Variants in CC2D2A observed in about 807,000 individuals in gnomAD.
CC2D2A encodes coiled-coil and C2 domain-containing protein 2A.
CC2D2A carries 155 observed loss-of-function variants against 212.9 expected under a neutral mutation model. That is an observed-to-expected ratio of 0.73 (90% CI 0.64 to 0.83). The LOEUF (loss-of-function observed/expected upper bound fraction) is 0.83. Ranked by LOEUF, CC2D2A falls within the 40% of genes least tolerant of loss-of-function variation. CC2D2A has a pLI of 0.00. For synonymous variants in CC2D2A, 667 were observed against 686.5 expected (o/e 0.97, Z 0.44); for missense variants, 1,856 against 1,956.2 (o/e 0.95, Z 0.97).
intron 33 of CC2D2A, 149 bp downstream of exon 33, chr4:15,589,828 A>C: frequency 3.2e-6 from 1 of 315,158 alleles, no homozygotes; most frequent in Non-Finnish European, 5.0e-6. Context: ...AGTTAAAAGA[A>C]ATGCAGTGTC....
chr4:15,493,596 A>G (rs1715441591), intron 4 of CC2D2A, among the ~76,000 whole-genome samples: 1 of 151,068 alleles, frequency 6.6e-6, no homozygotes, highest in Non-Finnish European at 1.5e-5. Context: ...ACTGCAATTC[A>G]CCCCTCCCTC....
intron 24 of CC2D2A, among the ~76,000 whole-genome samples, chr4:15,565,172 T>G (rs1560185541): frequency 6.6e-6 from 1 of 152,242 alleles, no homozygotes; most frequent in East Asian, 1.9e-4. Context: ...AAAGCTCAAC[T>G]GGGGTGAAAA....
At chr4:15,481,831 G>T (rs767498520) in intron 4 of CC2D2A, 1 of 985,436 alleles carries the variant, frequency 1.0e-6, no homozygotes, top group Non-Finnish European at 1.2e-6. Flanking sequence ...AGATGAAATT[G>T]TTAGGGAAGA....
chr4:15,518,726 T>C (rs1397676557), intron 11 of CC2D2A, among the ~76,000 whole-genome samples: 1 of 152,242 alleles, frequency 6.6e-6, no homozygotes, highest in Non-Finnish European at 1.5e-5. Flanking sequence ...CTCAACACCA[T>C]GTGGAAGCTG....
At chr4:15,540,737 C>T in intron 16 of CC2D2A, 100 bp from the exon 17 acceptor site, 1 of 1,086,450 alleles carries the variant, frequency 9.2e-7, no homozygotes, top group Non-Finnish European at 1.3e-6. Flanking sequence ...GGAGAGTTGC[C>T]TGCAGTGTGT....
intron 4 of CC2D2A, among the ~76,000 whole-genome samples, chr4:15,493,283 T>C (rs1054477427): frequency 1.3e-5 from 2 of 152,016 alleles, no homozygotes; most frequent in East Asian, 3.8e-4. Context: ...CTTACTTACT[T>C]ACTGAGACAA....
chr4:15,528,171 C>T (rs558373569), intron 12 of CC2D2A, among the ~76,000 whole-genome samples: 2 of 152,286 alleles, frequency 1.3e-5, no homozygotes, highest in East Asian at 1.9e-4. Flanking sequence ...TTTGGTCTCA[C>T]GCCCTGACTT....
intron 29 of CC2D2A, among the ~76,000 whole-genome samples, chr4:15,575,169 C>A (rs1720348669): frequency 1.3e-5 from 2 of 152,204 alleles, no homozygotes; most frequent in Non-Finnish European, 2.9e-5. Context: ...ACATCAACAA[C>A]AACCACCATG....
At chr4:15,567,275 GC>G in intron 24 of CC2D2A, 101 bp from the exon 25 acceptor site, 1 of 865,710 alleles carries the variant, frequency 1.2e-6, no homozygotes, top group Non-Finnish European at 1.8e-6. Flanking sequence ...TTCAGCTTGG[GC>G]GACAGAGTGA....
rs1050733554 is a variant in CC2D2A, at chr4:15,576,410, A to G, written c.3771+2084A>G. 1.1e-5 allele frequency: 11 copies of G among 979,604 alleles called. No individual in the cohort carries two copies. In the African/African-American group the frequency reaches 1.9e-4, roughly 17 times the overall value. The allele number at this position is 979,604 out of a possible 1,614,324, so 60.7% of individuals were successfully genotyped here. On this transcript the variant is annotated intron_variant, in intron 29 of 36. Coordinates refer to ENST00000424120, the MANE Select transcript of CC2D2A (RefSeq NM_001378615.1). ...AGAGTCTCTCCTCTACCACCATGCC[A>G]TATGGAACCATTCCATAGGATGTTT...
At chr4:15,509,935 C>T (rs545523778) in intron 6 of CC2D2A, among the ~76,000 whole-genome samples, 3 of 152,224 alleles carry the variant, frequency 2.0e-5, no homozygotes, top group Admixed American at 6.5e-5. Context: ...ATGAGACCTC[C>T]GTCATGCATG....
At chr4:15,566,931 T>C (rs901422361) in intron 24 of CC2D2A, among the ~76,000 whole-genome samples, 8 of 151,830 alleles carry the variant, frequency 5.3e-5, no homozygotes, top group Admixed American at 1.3e-4. Flanking sequence ...GCCATAATCA[T>C]GCCACTGCAC....
intron 4 of CC2D2A, among the ~76,000 whole-genome samples, chr4:15,486,260 T>G (rs1714993747): frequency 6.6e-6 from 1 of 152,118 alleles, no homozygotes; most frequent in African/African-American, 2.4e-5. Context: ...TTTTGTTGAA[T>G]TCAGCAGGGT....
intron 11 of CC2D2A, among the ~76,000 whole-genome samples, chr4:15,525,252 AC>A (rs1560165451): frequency 1.3e-5 from 2 of 152,194 alleles, no homozygotes; most frequent in Admixed American, 6.5e-5. Context: ...ACAAGATGGA[AC>A]CTGAGAGCCA....
At chr4:15,549,333 C>T (rs1718875011) in intron 17 of CC2D2A, among the ~76,000 whole-genome samples, 1 of 152,202 alleles carries the variant, frequency 6.6e-6, no homozygotes, top group African/African-American at 2.4e-5. Flanking sequence ...TCCTGCTGAA[C>T]TCCTGCCTAT....
chr4:15,524,699 C>T (rs1289089788), intron 11 of CC2D2A, among the ~76,000 whole-genome samples: 2 of 152,126 alleles, frequency 1.3e-5, no homozygotes, highest in African/African-American at 4.8e-5. Context: ...GATCTGCCCG[C>T]CTTGGCCTCC....
intron 19 of CC2D2A, among the ~76,000 whole-genome samples, chr4:15,554,057 A>G (rs17385861): frequency 0.089 from 13,561 of 152,284 alleles, 765 homozygotes; most frequent in Non-Finnish European, 0.12. Flanking sequence ...GATGCCTTCA[A>G]TCCCCATAAC....
chr4:15,514,969 T>C, intron 9 of CC2D2A, 100 bp downstream of exon 9: 1 of 953,670 alleles, frequency 1.0e-6, no homozygotes, highest in African/African-American at 1.6e-5. Context: ...CCAGAACTGA[T>C]TCCAGTTTCT....
chr4:15,589,638 T>C lies in CC2D2A; in HGVS notation c.4273T>C (p.Cys1425Arg). 2 of 1,603,382 alleles carry C rather than the reference T, an allele frequency of 1.2e-6. No individual in the cohort carries two copies. Among genetic ancestry groups the C allele is most frequent in the Non-Finnish European group, 1.7e-6 (2 of 1,173,774 alleles). The change falls in exon 33 of 37, where the codon TGT (cysteine) becomes CGT (arginine). Residue 1425 changes from cysteine (C) to arginine (R), a missense_variant. Coordinates refer to ENST00000424120, the MANE Select transcript of CC2D2A (RefSeq NM_001378615.1). ...GHFYGQFDTF[C>R]PLKNVGCLIG... The stretch of plus-strand genomic sequence containing the variant: ...TTTTTATGGACAATTTGATACATTC[T>C]GTCCCTTGAAAAATGTGGGCTGTTT...
Sources: gnomAD v4.1 joint callset for allele counts (sites outside exome capture counted in the v4.1 genomes callset) on GRCh38, gnomAD v4.1.1 for gene constraint, MANE v1.5 for transcripts, NCBI Gene and HGNC (gene_info 2026-07-23, HGNC 2026-07-21) for gene names.